OXCT1: variants seen among roughly 807,000 people sequenced by gnomAD.
OXCT1 encodes the protein 3-oxoacid CoA-transferase 1.
Under a neutral mutation model 69.6 loss-of-function variants are expected in OXCT1, and 27 were observed. The ratio of observed to expected loss-of-function variants is 0.39; its 90% CI spans 0.29 to 0.54. The LOEUF is 0.54. Among genes scored for constraint, OXCT1 ranks in the 20% least tolerant of loss-of-function variants. The probability of loss-of-function intolerance (pLI) is 0.72; values close to 1 mark genes in which losing one functional copy is unlikely to be tolerated. For synonymous variants in OXCT1, 202 were observed against 217.8 expected, an observed-to-expected ratio of 0.93 and a Z score of 0.64; for missense variants, 437 against 650.2, an observed-to-expected ratio of 0.67 and a Z score of 3.57.
Position 41,840,403 on chromosome 5 carries a change from A to AT in OXCT1, c.732+47_732+48insA, listed in dbSNP as rs771122496. On this transcript the variant is annotated intron_variant, in intron 7 of 16. Transcript: ENST00000196371. ...GTACTTTTTCTTGAATTAATACTTA[A>AT]CATCAAGTTAAATAATTAACACCAA... is the stretch of plus-strand genomic sequence containing the variant. 2.3e-3 allele frequency: 3,002 copies of AT among 1,328,408 alleles called. 39 individuals are homozygous for AT. The East Asian group carries it at 0.027, about 12-fold the overall frequency. The allele number at this position is 1,328,408 out of a possible 1,614,324, so 82.3% of individuals were successfully genotyped here.
intron 3 of OXCT1, among the ~76,000 whole-genome samples, chr5:41,858,911 C>T (rs1476074317): frequency 6.6e-6 from 1 of 152,126 alleles, no homozygotes; most frequent in Non-Finnish European, 1.5e-5. Context: ...ATTTCCCCAT[C>T]CCCCACCCAA....
At chr5:41,757,989 G>A (rs1011390038) in intron 14 of OXCT1, among the ~76,000 whole-genome samples, 1 of 152,066 alleles carries the variant, frequency 6.6e-6, no homozygotes, top group African/African-American at 2.4e-5. Context: ...TCTGGCAGTC[G>A]TGTGCTTGAT....
At chr5:41,854,652 G>T (rs1206951419) in intron 3 of OXCT1, among the ~76,000 whole-genome samples, 1 of 151,556 alleles carries the variant, frequency 6.6e-6, no homozygotes, top group Non-Finnish European at 1.5e-5. Context: ...TCTTTTAATG[G>T]CGAAATATTT....
intron 7 of OXCT1, among the ~76,000 whole-genome samples, chr5:41,816,632 C>T (rs1747258980): frequency 6.6e-6 from 1 of 152,108 alleles, no homozygotes; most frequent in African/African-American, 2.4e-5. Context: ...GGCTATGCAG[C>T]CGGGGTCACT....
chr5:41,834,422 A>G (rs1234011175), intron 7 of OXCT1, among the ~76,000 whole-genome samples: 1 of 151,650 alleles, frequency 6.6e-6, no homozygotes, highest in African/African-American at 2.4e-5. Context: ...TGGTTCACCT[A>G]TAAAGCTACA....
chr5:41,800,206 C>T (rs1444901756), intron 11 of OXCT1, among the ~76,000 whole-genome samples: 1 of 152,018 alleles, frequency 6.6e-6, no homozygotes, highest in African/African-American at 2.4e-5. Context: ...AAGCATATGC[C>T]TGTAAGAACA....
chr5:41,772,817 C>T (rs980887280), intron 13 of OXCT1, among the ~76,000 whole-genome samples: 2 of 152,108 alleles, frequency 1.3e-5, no homozygotes, highest in Non-Finnish European at 2.9e-5. Context: ...GTCTAACCAC[C>T]GGTTTGCTAA....
chr5:41,748,623 C>A (rs992306685), intron 15 of OXCT1, among the ~76,000 whole-genome samples: 1 of 151,932 alleles, frequency 6.6e-6, no homozygotes, highest in Non-Finnish European at 1.5e-5. Flanking sequence ...GGGAAGGCAT[C>A]ATTTAGGACA....
chr5:41,853,946 C>G (rs577684746), intron 3 of OXCT1, among the ~76,000 whole-genome samples: 1 of 152,118 alleles, frequency 6.6e-6, no homozygotes, highest in Admixed American at 6.6e-5. Context: ...GGTTCTTGTC[C>G]TATGCTTTGA....
rs1265872256 is a variant in OXCT1 at position 41,803,074 on chromosome 5, C to A, written c.1045G>T (p.Gly349Cys). 1.2e-6 allele frequency: 2 copies of A among 1,605,850 alleles called. No individual in the cohort carries two copies. The highest frequency in any genetic ancestry group is 4.5e-5 in the East Asian group (2 of 44,730). The change falls in exon 10 of 17, where the codon GGT becomes TGT. Residue 349 changes from glycine (G) to cysteine (C), a missense_variant. Physicochemically the swap from Gly to Cys is radical, Grantham distance 159 (BLOSUM62 -3). Around this residue, in one of 4 missense-constraint regions of OXCT1, gnomAD observed 252 missense variants for 397.4 expected, o/e 0.63. Coordinates refer to ENST00000196371, the MANE Select transcript of OXCT1 (RefSeq NM_000436.4). ...AAAACAAATTTTCATCTTACCAAAC[C>A]CAGAACTCCATTTTCACTTTGAAGA... The part of the protein sequence containing the change: ...VHLQSENGVL[G>C]LGPYPRQHEA...
intron 13 of OXCT1, among the ~76,000 whole-genome samples, chr5:41,772,354 A>T (rs188143880): frequency 5.4e-4 from 81 of 150,588 alleles, no homozygotes; most frequent in African/African-American, 1.8e-3. Context: ...GGATGAGATT[A>T]AAAAAAACAA....
At chr5:41,842,531 GCACACACCTATATAT>G (rs1748676580) in intron 6 of OXCT1, 129 bp downstream of exon 6, 1 of 713,962 alleles carries the variant, frequency 1.4e-6, no homozygotes, top group East Asian at 2.6e-5. Context: ...CAGCAGCCCT[GCACACACCTATATAT>G]GTGCAATACA....
intron 13 of OXCT1, among the ~76,000 whole-genome samples, chr5:41,785,479 G>T (rs1023518330): frequency 6.6e-6 from 1 of 152,192 alleles, no homozygotes; most frequent in African/African-American, 2.4e-5. Flanking sequence ...TTAAAAGACA[G>T]TTGACTGTTT....
At chr5:41,756,352 T>A (rs1277732794) in intron 14 of OXCT1, among the ~76,000 whole-genome samples, 1 of 152,076 alleles carries the variant, frequency 6.6e-6, no homozygotes, top group Non-Finnish European at 1.5e-5. Flanking sequence ...TTAGTGGTAA[T>A]GGTGCTTGCC....
rs1192239659 is a variant in OXCT1, at chr5:41,870,053, T to C, written c.78+228A>G. ...CCTCTCCGCGCGCTTCTTTATCGCGTCTCGCTCCATCAGGGAAGCGACTGC... is the reference window on the plus strand; with the variant it reads ...CCTCTCCGCGCGCTTCTTTATCGCGCCTCGCTCCATCAGGGAAGCGACTGC... On this transcript the variant is annotated intron_variant, in intron 1 of 16. Transcript: ENST00000196371. This position sits in a 1 kb window ranked among gnomAD's most constrained non-coding sequence, Gnocchi z 4.2. 4 of 571,266 alleles carry C rather than the reference T, an allele frequency of 7.0e-6. No homozygotes were observed. The highest frequency in any genetic ancestry group is 1.3e-5 in the Non-Finnish European group (4 of 316,228). The allele number at this position is 571,266 out of a possible 1,614,324, so 35.4% of individuals were successfully genotyped here. A position where few individuals can be genotyped will look rare whatever the true frequency, so the allele number is the denominator to read the frequency against.
At chr5:41,856,694 C>A (rs967011961) in intron 3 of OXCT1, among the ~76,000 whole-genome samples, 5 of 152,220 alleles carry the variant, frequency 3.3e-5, no homozygotes, top group African/African-American at 1.2e-4. Flanking sequence ...GATTTCCCAT[C>A]CACCATGGGT....
intron 13 of OXCT1, among the ~76,000 whole-genome samples, chr5:41,786,115 C>G (rs886614663): frequency 2.0e-5 from 3 of 152,110 alleles, no homozygotes; most frequent in Non-Finnish European, 4.4e-5. Flanking sequence ...CGGTAAGAGT[C>G]TATATGTTAA....
chr5:41,835,932 T>C (rs1195993764), intron 7 of OXCT1, among the ~76,000 whole-genome samples: 2 of 147,414 alleles, frequency 1.4e-5, no homozygotes, highest in African/African-American at 5.0e-5. Flanking sequence ...AGGTTTTCTA[T>C]TACAGGCTCC....
rs752496283 is a variant in OXCT1 at position 41,861,351 on chromosome 5, C to T, written c.241G>A (p.Gly81Arg). ...ENLIDALLKT[G>R]VKGLTAVSNN... ...CTGACTGCAGTTAGTCCTTTTACTC[C>T]AGTTTTCAGTAAAGCATCTATAAGA... is the stretch of plus-strand genomic sequence containing the variant. Residue 81 changes from glycine to arginine, a missense_variant, in exon 3 of 17, where the codon GGA (glycine) becomes AGA (arginine). Around this residue, in one of 4 missense-constraint regions of OXCT1, gnomAD observed 252 missense variants for 397.4 expected, o/e 0.63. Coordinates refer to ENST00000196371, the MANE Select transcript of OXCT1 (RefSeq NM_000436.4). 16 of 1,612,544 alleles carry T rather than the reference C, an allele frequency of 9.9e-6. No homozygotes were observed. The highest frequency in any genetic ancestry group is 8.5e-7 in the Non-Finnish European group (1 of 1,179,006).
Sources: gnomAD v4.1 joint callset for allele counts (sites outside exome capture counted in the v4.1 genomes callset) on GRCh38, gnomAD v4.1.1 for gene constraint, gnomAD v4.1.1 regional missense constraint, Gnocchi (gnomAD v3.1) non-coding constraint, MANE v1.5 for transcripts, NCBI Gene and HGNC (gene_info 2026-07-23, HGNC 2026-07-21) for gene names.